ODAD2: variants seen among roughly 807,000 people sequenced by gnomAD.
The protein encoded by ODAD2 is outer dynein arm docking complex subunit 2.
Under a neutral mutation model 106.8 loss-of-function variants are expected in ODAD2, and 89 were observed. That is an observed-to-expected ratio of 0.83 (90% CI 0.70 to 0.99). The LOEUF is 0.99. Ranked by LOEUF, ODAD2 falls within the 50% of genes least tolerant of loss-of-function variation. The probability of loss-of-function intolerance (pLI) is 0.00; values close to 1 mark genes in which losing one functional copy is unlikely to be tolerated. For missense variants in ODAD2, 1,168 were observed against 1,238.5 expected (o/e 0.94, Z 0.85); for synonymous variants, 404 against 436.2 (o/e 0.93, Z 0.92).
At chr10:27,993,286 A>G (rs1365246417) in intron 2 of ODAD2, among the ~76,000 whole-genome samples, 3 of 152,230 alleles carry the variant, frequency 2.0e-5, no homozygotes, top group African/African-American at 7.2e-5. Context: ...AAAGCTGAAC[A>G]ATACAGAAAT....
chr10:27,983,973 T>A lies in ODAD2; in HGVS notation c.689A>T (p.Glu230Val). 3.1e-6 allele frequency: 5 copies of A among 1,607,662 alleles called. No homozygotes were observed. The highest frequency in any genetic ancestry group is 4.2e-6 in the Non-Finnish European group (5 of 1,178,738). ...TGGGGCTCGACATCCATTTGAAAAT[T>A]CATAATCTGAAACCAATCATCAAGC... is the stretch of plus-strand genomic sequence containing the variant. ...LESIEYTSDY[E>V]FSNGCRAPPW... Residue 230 changes from glutamate to valine, a missense_variant, in exon 6 of 20, where the codon GAA (glutamate) becomes GTA (valine). Physicochemically the swap from Glu to Val is moderately radical, Grantham distance 121. Coordinates refer to ENST00000305242, the MANE Select transcript of ODAD2 (RefSeq NM_018076.5).
At chr10:27,973,198 C>G (rs1216990877) in intron 7 of ODAD2, among the ~76,000 whole-genome samples, 1 of 144,700 alleles carries the variant, frequency 6.9e-6, no homozygotes, top group Admixed American at 6.9e-5. Flanking sequence ...AGCATGAACT[C>G]TCATGGTCAA....
At chr10:27,888,652 A>T (rs1842382053) in intron 17 of ODAD2, among the ~76,000 whole-genome samples, 1 of 152,050 alleles carries the variant, frequency 6.6e-6, no homozygotes, top group Non-Finnish European at 1.5e-5. Flanking sequence ...TGGCTGTGTA[A>T]AAGCTTTTTA....
At chr10:27,825,151 C>T (rs1836938328) in intron 19 of ODAD2, among the ~76,000 whole-genome samples, 1 of 152,130 alleles carries the variant, frequency 6.6e-6, no homozygotes, top group South Asian at 2.1e-4. Context: ...AGCCCTTATC[C>T]AAGCCATGAA....
At chr10:27,932,628 G>A (rs184312997) in intron 16 of ODAD2, among the ~76,000 whole-genome samples, 95 of 152,226 alleles carry the variant, frequency 6.2e-4, no homozygotes, top group African/African-American at 2.3e-3. Flanking sequence ...CTCCATGTTG[G>A]CTACTCCTGT....
intron 10 of ODAD2, among the ~76,000 whole-genome samples, chr10:27,960,470 C>G (rs1240909529): frequency 6.6e-6 from 1 of 151,506 alleles, no homozygotes; most frequent in East Asian, 1.9e-4. Context: ...CCTCAGCATC[C>G]CGAGTAGCTG....
intron 16 of ODAD2, among the ~76,000 whole-genome samples, chr10:27,928,280 T>G (rs2134026438): frequency 6.6e-6 from 1 of 152,256 alleles, no homozygotes. Context: ...CTCCCTATTC[T>G]TTGTAACTCA....
chr10:27,939,082 T>C (rs1456400680), intron 14 of ODAD2, among the ~76,000 whole-genome samples: 2 of 152,092 alleles, frequency 1.3e-5, no homozygotes, highest in Non-Finnish European at 2.9e-5. Context: ...AAATGTATCA[T>C]ACACAAAAAG....
At chr10:27,924,927 C>T (rs549075640) in intron 16 of ODAD2, among the ~76,000 whole-genome samples, 1 of 150,840 alleles carries the variant, frequency 6.6e-6, no homozygotes, top group Non-Finnish European at 1.5e-5. Flanking sequence ...GAGACTTCTA[C>T]CAAACCTTCA....
intron 17 of ODAD2, among the ~76,000 whole-genome samples, chr10:27,893,455 G>A (rs369775521): frequency 6.6e-6 from 1 of 152,146 alleles, no homozygotes; most frequent in African/African-American, 2.4e-5. Flanking sequence ...TTGTCTAAAG[G>A]CGTAGCTGGT....
intron 14 of ODAD2, 89 bp from the exon 15 acceptor site, chr10:27,936,969 GA>G: frequency 7.6e-7 from 1 of 1,308,970 alleles, no homozygotes; most frequent in Admixed American, 2.5e-5. Context: ...TAGTAGCTAG[GA>G]AACTTCTTTC....
chr10:27,936,058 T>C (rs1465515814), intron 15 of ODAD2, among the ~76,000 whole-genome samples: 1 of 152,206 alleles, frequency 6.6e-6, no homozygotes, highest in Non-Finnish European at 1.5e-5. Context: ...TAGCCATGAC[T>C]TCACTACGCC....
At chr10:27,975,273 G>C (rs963361694) in intron 7 of ODAD2, among the ~76,000 whole-genome samples, 110 of 151,996 alleles carry the variant, frequency 7.2e-4, no homozygotes, top group African/African-American at 2.5e-3. Context: ...AAAAACTGGA[G>C]AAATAAGAGT....
chr10:27,973,050 A>G (rs769475522), intron 7 of ODAD2, among the ~76,000 whole-genome samples: 1 of 152,174 alleles, frequency 6.6e-6, no homozygotes, highest in Non-Finnish European at 1.5e-5. Context: ...AATCATATAA[A>G]CATCTTAATA....
chr10:27,827,893 C>G (rs77244952), intron 19 of ODAD2, among the ~76,000 whole-genome samples: 3,864 of 152,306 alleles, frequency 0.025, 58 homozygotes, highest in Middle Eastern at 0.044. Context: ...TCTTTAGCTT[C>G]TCTTCTTTTT....
chr10:27,963,387 G>A (rs1848274700), intron 9 of ODAD2, among the ~76,000 whole-genome samples: 1 of 151,942 alleles, frequency 6.6e-6, no homozygotes, highest in Non-Finnish European at 1.5e-5. Flanking sequence ...CATTCTACAA[G>A]CAAGGAAATG....
At position 27,859,227 on chromosome 10, in the gene ODAD2, T is replaced by TTA. The variant is rs199893699; in HGVS notation, c.3021+1396_3021+1397dup. Among the ~76,000 whole-genome samples the TTA allele has an allele frequency of 2.7e-3, 414 of 152,224 alleles. 2 individuals carry two copies. Among genetic ancestry groups the TTA allele is most frequent in the Non-Finnish European group, 2.3e-3 (158 of 68,012 alleles). ...TGAAGTTAATGGTCCAATATGTTTT[T>TTA]TATAGTTTACTTTTAAACATTGTTA... On this transcript the variant is annotated intron_variant, in intron 19 of 19. Transcript: ENST00000305242.
chr10:27,874,054 T>C (rs1487244620), intron 17 of ODAD2, among the ~76,000 whole-genome samples: 2 of 152,222 alleles, frequency 1.3e-5, no homozygotes, highest in Admixed American at 6.5e-5. Flanking sequence ...ATTGGGTGCA[T>C]ATATATTTAG....
intron 19 of ODAD2, among the ~76,000 whole-genome samples, chr10:27,846,850 T>C (rs1838805118): frequency 1.3e-5 from 2 of 151,670 alleles, no homozygotes; most frequent in South Asian, 4.2e-4. Context: ...CCTGGACACA[T>C]ACACCCTCCC....
Sources: allele counts gnomAD v4.1 joint callset (sites outside exome capture counted in the v4.1 genomes callset), GRCh38; gene constraint gnomAD v4.1.1; transcripts MANE v1.5; gene names NCBI Gene and HGNC (gene_info 2026-07-23, HGNC 2026-07-21).